The following ZNF654 variants were observed in gnomAD, a reference collection of about 807,000 sequenced individuals.
The protein encoded by ZNF654 is melanoma-associated antigen.
ZNF654 carries 19 observed loss-of-function variants against 95.3 expected under a neutral mutation model. The observed-to-expected ratio is 0.20, with a 90% CI of 0.14 to 0.29. The LOEUF (loss-of-function observed/expected upper bound fraction) is 0.29. Among genes scored for constraint, ZNF654 ranks in the 10% least tolerant of loss-of-function variants. The probability of loss-of-function intolerance (pLI) is 1.00; values close to 1 mark genes in which losing one functional copy is unlikely to be tolerated. For missense variants in ZNF654, 1,046 were observed against 1,341.0 expected, an observed-to-expected ratio of 0.78 and a Z score of 3.44; for synonymous variants, 413 against 457.9, an observed-to-expected ratio of 0.90 and a Z score of 1.25.
chr3:88,066,145 TTAAA>T (rs1707187052), intron 1 of ZNF654, among the ~76,000 whole-genome samples: 1 of 152,236 alleles, frequency 6.6e-6, no homozygotes, highest in Non-Finnish European at 1.5e-5. Context: ...AATGAATTGG[TTAAA>T]TAAACTTATG....
At chr3:88,132,133 T>C (rs1453238546) in intron 6 of ZNF654, among the ~76,000 whole-genome samples, 2 of 152,164 alleles carry the variant, frequency 1.3e-5, no homozygotes, top group Non-Finnish European at 2.9e-5. Context: ...TTCAATATTG[T>C]GTTCAAGCCA....
chr3:88,104,406 T>C (rs1227035828), intron 2 of ZNF654, among the ~76,000 whole-genome samples: 1 of 152,200 alleles, frequency 6.6e-6, no homozygotes, highest in Non-Finnish European at 1.5e-5. Context: ...TTTGCTCTTG[T>C]AGCAAGAAAG....
chr3:88,130,669 C>T (rs1292489615), intron 6 of ZNF654, among the ~76,000 whole-genome samples: 13 of 146,192 alleles, frequency 8.9e-5, no homozygotes, highest in African/African-American at 2.8e-4. Context: ...TTGCCCAGGC[C>T]GGTTTGGAAC....
chr3:88,069,563 A>G (rs1466550786), intron 1 of ZNF654, among the ~76,000 whole-genome samples: 2 of 152,216 alleles, frequency 1.3e-5, no homozygotes, highest in Admixed American at 1.3e-4. Context: ...ACAAAACAGG[A>G]CAATGTTTGC....
chr3:88,077,331 A>T (rs1473233759), intron 1 of ZNF654, among the ~76,000 whole-genome samples: 16 of 139,686 alleles, frequency 1.1e-4, no homozygotes, highest in African/African-American at 3.7e-4. Context: ...GCAGACTTAA[A>T]TTGTTTTTTT....
intron 2 of ZNF654, among the ~76,000 whole-genome samples, chr3:88,096,412 C>G (rs996584478): frequency 1.3e-5 from 2 of 152,094 alleles, no homozygotes; most frequent in African/African-American, 4.8e-5. Context: ...TATAGAGGAT[C>G]TTGAAGCAGA....
chr3:88,125,781 A>G (rs1252623583), intron 3 of ZNF654, among the ~76,000 whole-genome samples: 5 of 152,146 alleles, frequency 3.3e-5, no homozygotes, highest in East Asian at 1.9e-4. Context: ...CTTGCCTGCC[A>G]TTGTTAAGAG....
intron 1 of ZNF654, among the ~76,000 whole-genome samples, chr3:88,085,762 T>C (rs1308035345): frequency 2.0e-5 from 3 of 152,208 alleles, no homozygotes; most frequent in Non-Finnish European, 4.4e-5. Flanking sequence ...CTGGACTCTT[T>C]TCCCCATAGT....
At chr3:88,114,195 T>A (rs1351985848) in intron 3 of ZNF654, among the ~76,000 whole-genome samples, 1 of 151,982 alleles carries the variant, frequency 6.6e-6, no homozygotes, top group African/African-American at 2.4e-5. Context: ...AAATGAAAAA[T>A]TGACAGATTC....
rs747654782 is a variant in ZNF654 at position 88,140,606 on chromosome 3, A to G, written c.2937A>G (p.Gly979=). 23 of 1,613,642 alleles carry G rather than the reference A, an allele frequency of 1.4e-5. No individual in the cohort carries two copies. The highest frequency in any genetic ancestry group is 1.9e-5 in the Non-Finnish European group (23 of 1,179,742). ...NNCSSSDIVN[G]HSEIEQTPLV... ...GTAGTAGTAGTGATATAGTCAATGG[A>G]CACAGTGAAATAGAGCAAACACCTT... The change falls in exon 8 of 9, where the codon GGA becomes GGG. Residue 979 remains glycine, a synonymous_variant. Coordinates refer to ENST00000636215, the MANE Select transcript of ZNF654 (RefSeq NM_001350134.2).
Position 88,129,765 on chromosome 3 carries a change from T to G in ZNF654, c.832T>G (p.Leu278Val). The G allele has an allele frequency of 6.5e-7, 1 of 1,528,870 alleles. No individual in the cohort carries two copies. Among genetic ancestry groups the G allele is most frequent in the Non-Finnish European group, 8.8e-7 (1 of 1,141,918 alleles). The allele number at this position is 1,528,870 out of a possible 1,614,324, so 94.7% of individuals were successfully genotyped here. Residue 278 changes from leucine to valine, a missense_variant, in exon 6 of 9, where the codon TTG (leucine) becomes GTG (valine). Transcript: ENST00000636215. ...AEKEGKTMLA[L>V]QLCESFLIPQ... Reference sequence around the variant, plus strand: ...AAAAGAAGGCAAAACTATGTTAGCCTTGCAACTCTGTGAATCCTTTCTTAT... The same window carrying G: ...AAAAGAAGGCAAAACTATGTTAGCCGTGCAACTCTGTGAATCCTTTCTTAT...
Position 88,059,282 on chromosome 3 carries a change from G to C in ZNF654, c.-38G>C, listed in dbSNP as rs767076219. ...CCTAGGCATCTACGGCGGCGGCGGC[G>C]GCGCAGGGGCTGGTACGCGCTGGGC... On this transcript the variant is annotated 5_prime_UTR_variant, in exon 1 of 9. Transcript: ENST00000636215. The C allele has an allele frequency of 2.0e-6, 3 of 1,532,720 alleles. No homozygotes were observed. The South Asian group carries it at 3.6e-5, about 18-fold the overall frequency. 94.9% of individuals were successfully genotyped at this position (1,532,720 alleles called of 1,614,324 possible). A position where few individuals can be genotyped will look rare whatever the true frequency, so the allele number is the denominator to read the frequency against.
At chr3:88,079,536 A>G (rs186520915) in intron 1 of ZNF654, among the ~76,000 whole-genome samples, 20 of 152,208 alleles carry the variant, frequency 1.3e-4, no homozygotes, top group Admixed American at 1.1e-3. Context: ...TAATAAAGTT[A>G]TCTGTAAAGT....
chr3:88,075,459 A>C (rs553656276), intron 1 of ZNF654, among the ~76,000 whole-genome samples: 110 of 152,348 alleles, frequency 7.2e-4, no homozygotes, highest in African/African-American at 2.4e-3. Context: ...TTTGGATAAT[A>C]ACCATGGAAC....
rs577161373 is a variant in ZNF654 at position 88,059,287 on chromosome 3, A to T, written c.-33A>T. ...GCATCTACGGCGGCGGCGGCGGCGCAGGGGCTGGTACGCGCTGGGCGGCGA... is the reference window on the plus strand; with the variant it reads ...GCATCTACGGCGGCGGCGGCGGCGCTGGGGCTGGTACGCGCTGGGCGGCGA... On this transcript the variant is annotated 5_prime_UTR_variant, in exon 1 of 9. Coordinates refer to ENST00000636215, the MANE Select transcript of ZNF654 (RefSeq NM_001350134.2). 3,497 of 1,531,482 alleles carry T rather than the reference A, an allele frequency of 2.3e-3. 2 individuals are homozygous for T. The highest frequency in any genetic ancestry group is 3.0e-3 in the Middle Eastern group (14 of 4,612). The allele number at this position is 1,531,482 out of a possible 1,614,324, so 94.9% of individuals were successfully genotyped here.
At chr3:88,094,316 T>C (rs1240638329) in intron 2 of ZNF654, among the ~76,000 whole-genome samples, 2 of 152,156 alleles carry the variant, frequency 1.3e-5, no homozygotes, top group Non-Finnish European at 2.9e-5. Context: ...ACTAGCATCT[T>C]TTCCCCGGTA....
intron 1 of ZNF654, among the ~76,000 whole-genome samples, chr3:88,076,737 C>T (rs144523534): frequency 8.5e-5 from 13 of 152,162 alleles, no homozygotes; most frequent in East Asian, 1.9e-4. Flanking sequence ...ATATTTATGA[C>T]GGAAGCATTT....
chr3:88,072,449 A>G (rs1294526884), intron 1 of ZNF654, among the ~76,000 whole-genome samples: 1 of 152,108 alleles, frequency 6.6e-6, no homozygotes, highest in Non-Finnish European at 1.5e-5. Context: ...TAGCTCTGTG[A>G]CTTTTTCTTT....
intron 2 of ZNF654, among the ~76,000 whole-genome samples, chr3:88,099,791 G>A (rs1251705285): frequency 1.3e-5 from 2 of 151,964 alleles, no homozygotes; most frequent in East Asian, 1.9e-4. Flanking sequence ...CTGAAAATGG[G>A]TCCCTTCCTT....
Sources: gnomAD v4.1 joint callset for allele counts (sites outside exome capture counted in the v4.1 genomes callset) on GRCh38, gnomAD v4.1.1 for gene constraint, MANE v1.5 for transcripts, NCBI Gene and HGNC (gene_info 2026-07-23, HGNC 2026-07-21) for gene names.